Variants in RCC1 observed in about 807,000 individuals in gnomAD.
The protein encoded by RCC1 is regulator of chromosome condensation 1.
Under a neutral mutation model 44.4 loss-of-function variants are expected in RCC1, and 11 were observed. That is an observed-to-expected ratio of 0.25 (90% CI 0.16 to 0.41). The LOEUF (loss-of-function observed/expected upper bound fraction) is 0.41, where lower values mean the gene tolerates loss of function less well. RCC1 is among the 10% of genes least tolerant of loss of function. The pLI, the probability that RCC1 is intolerant of heterozygous loss-of-function variation, is 1.00. For synonymous variants in RCC1, 213 were observed against 216.5 expected (o/e 0.98, Z 0.14); for missense variants, 386 against 547.1 (o/e 0.71, Z 2.94).
At chr1:28,521,034 G>A (rs1195402179) in intron 4 of RCC1, among the ~76,000 whole-genome samples, 8 of 151,940 alleles carry the variant, frequency 5.3e-5, no homozygotes, top group South Asian at 4.2e-4. Context: ...AGCTGAGATC[G>A]TGAGTCTGAA....
In RCC1 at chr1:28,538,088, C is replaced by A; in HGVS notation, c.*81C>A. 1.5e-6 allele frequency: 2 copies of A among 1,333,452 alleles called. No homozygotes were observed. The highest frequency in any genetic ancestry group is 1.4e-5 in the South Asian group (1 of 72,814). The allele number at this position is 1,333,452 out of a possible 1,614,324, so 82.6% of individuals were successfully genotyped here. A position where few individuals can be genotyped will look rare whatever the true frequency, so the allele number is the denominator to read the frequency against. ...AAGCAGTGACAGCTGCAGATGGCAG[C>A]GGGCCTCTCCCCAGCCCTGAGCACT... On this transcript the variant is annotated 3_prime_UTR_variant, in exon 13 of 13. Transcript: ENST00000683442.
chr1:28,537,593 C>G (rs1437905123), intron 12 of RCC1, among the ~76,000 whole-genome samples: 1 of 152,202 alleles, frequency 6.6e-6, no homozygotes, highest in Non-Finnish European at 1.5e-5. Context: ...ACCTTGAATG[C>G]CACGCCTAGG....
intron 3 of RCC1, among the ~76,000 whole-genome samples, chr1:28,515,124 A>G (rs1662812211): frequency 6.6e-6 from 1 of 151,878 alleles, no homozygotes; most frequent in African/African-American, 2.4e-5. Context: ...CCAAAAATAC[A>G]AAAATTAGAT....
At chr1:28,518,169 G>C (rs1004527374) in intron 4 of RCC1, 1 of 149,718 alleles carries the variant, frequency 6.7e-6, no homozygotes, top group Non-Finnish European at 1.5e-5. Flanking sequence ...CAGATCCTGG[G>C]ATGGCCGCCA....
At chr1:28,507,643 CCCAGGCTGGAGTGCAGTGG>C (rs1662113216) in intron 1 of RCC1, 1 of 432,062 alleles carries the variant, frequency 2.3e-6, no homozygotes, top group Non-Finnish European at 4.5e-6. Flanking sequence ...CGCTCTGTTG[CCCAGGCTGGAGTGCAGTGG>C]CGCACTCCAT....
chr1:28,515,355 C>T (rs1662831408), intron 3 of RCC1, among the ~76,000 whole-genome samples: 1 of 151,918 alleles, frequency 6.6e-6, no homozygotes, highest in Admixed American at 6.6e-5. Flanking sequence ...GAGGCTGAGG[C>T]AGAGGTTGCA....
chr1:28,531,259 C>CTTTTTTTTTTTTTTT (rs769808394), intron 5 of RCC1, among the ~76,000 whole-genome samples: 1 of 132,452 alleles, frequency 7.5e-6, no homozygotes, highest in African/African-American at 3.1e-5. Flanking sequence ...GCTTTCTTTT[C>CTTTTTTTTTTTTTTT]TTTTTCTTTT....
In RCC1 at chr1:28,538,711, CAA is replaced by C. The variant is rs966169439; in HGVS notation, c.*706_*707del. On this transcript the variant is annotated 3_prime_UTR_variant, in exon 13 of 13. Transcript: ENST00000683442. ...ACCTGCAGCCAACGGCCTGGAATCG[CAA>C]AGAGACACCACTCTGGGCAGAGCAG... 5.9e-5 allele frequency: 9 copies of C among 152,138 alleles called. No individual in the cohort carries two copies. The highest frequency in any genetic ancestry group is 1.9e-4 in the African/African-American group (8 of 41,412). The allele number at this position is 152,138 out of a possible 1,614,324, so 9.4% of individuals were successfully genotyped here.
rs1664553505 is a variant in RCC1 at position 28,536,288 on chromosome 1, A to G, written c.844A>G (p.Ile282Val). 6.2e-7 allele frequency: 1 copy of G among 1,614,132 alleles called. No individual in the cohort carries two copies. Among genetic ancestry groups the G allele is most frequent in the Non-Finnish European group, 8.5e-7 (1 of 1,180,010 alleles). ...AACTCCGGGCACAGAATCTTGCTTC[A>G]TACCCCAGAACCTAACATCCTTCAA... ...LGTPGTESCFIPQNLTSFKNS... is the reference protein window; with the variant it reads ...LGTPGTESCFVPQNLTSFKNS... Residue 282 changes from isoleucine to valine, a missense_variant, in exon 11 of 13, where the codon ATA becomes GTA. By Grantham distance (29) the Ile-to-Val change is conservative. Transcript: ENST00000683442. The surrounding 1 kb of genome is among the most constrained non-coding windows in gnomAD (Gnocchi z 4.9).
intron 9 of RCC1, chr1:28,535,655 T>C (rs551703249): frequency 1.3e-6 from 1 of 758,072 alleles, no homozygotes; most frequent in East Asian, 2.7e-5. Context: ...ATCAGGCAGA[T>C]GGTAAGTTCC....
intron 4 of RCC1, chr1:28,526,918 GAAAT>G: frequency 5.5e-6 from 4 of 722,380 alleles, no homozygotes; most frequent in Non-Finnish European, 9.5e-6. Flanking sequence ...AAAAAAGAAA[GAAAT>G]CCAAAGGATA....
rs549305865 is a variant in RCC1 at position 28,528,122 on chromosome 1, C to T, written c.-9-1736C>T. ...ATTACTTGAGATTAGGAGTTTGGGA[C>T]CAGCCTGGCCAACATGGTGAAACCC... On this transcript the variant is annotated intron_variant, in intron 4 of 12. Transcript: ENST00000683442. 3.3e-5 allele frequency among the ~76,000 whole-genome samples: 5 copies of T among 151,944 alleles called. No homozygotes were observed. In the South Asian group the frequency reaches 1.0e-3, roughly 32 times the overall value.
At chr1:28,524,094 C>T (rs553172983) in intron 4 of RCC1, among the ~76,000 whole-genome samples, 6 of 152,342 alleles carry the variant, frequency 3.9e-5, no homozygotes, top group African/African-American at 1.2e-4. Flanking sequence ...GGATTACAGG[C>T]GTGAGCCACC....
At chr1:28,518,555 C>G (rs948638591) in intron 4 of RCC1, 7 of 148,970 alleles carry the variant, frequency 4.7e-5, no homozygotes, top group Non-Finnish European at 9.0e-5. Flanking sequence ...CGCGCGGCCC[C>G]TCCGCCGCCG....
chr1:28,515,930 C>T (rs1017619954), intron 3 of RCC1, among the ~76,000 whole-genome samples: 6 of 151,978 alleles, frequency 3.9e-5, no homozygotes, highest in African/African-American at 1.2e-4. Context: ...GCCTGTAATC[C>T]CAGCACTTTG....
At chr1:28,506,492 A>G (rs1455303297) in intron 1 of RCC1, 2 of 318,292 alleles carry the variant, frequency 6.3e-6, no homozygotes, top group Non-Finnish European at 1.2e-5. Flanking sequence ...GCCGGAAATC[A>G]TGTAATTTAA....
chr1:28,525,276 G>A (rs186218212), intron 4 of RCC1, among the ~76,000 whole-genome samples: 54 of 152,250 alleles, frequency 3.5e-4, no homozygotes, highest in Non-Finnish European at 6.5e-4. Flanking sequence ...CACAGGTCGC[G>A]GCGCCAGGCT....
At chr1:28,528,248 G>T (rs148530245) in intron 4 of RCC1, among the ~76,000 whole-genome samples, 1 of 152,122 alleles carries the variant, frequency 6.6e-6, no homozygotes, top group Non-Finnish European at 1.5e-5. Flanking sequence ...CTGAGATCAG[G>T]AGTTCGAGAC....
Position 28,506,096 on chromosome 1 carries a change from C to T in RCC1, c.-262+12C>T, listed in dbSNP as rs945180421. 8.8e-6 allele frequency: 4 copies of T among 455,746 alleles called. No individual in the cohort carries two copies. The highest frequency in any genetic ancestry group is 8.0e-5 in the African/African-American group (4 of 50,038). The allele number at this position is 455,746 out of a possible 1,614,324, so 28.2% of individuals were successfully genotyped here. ...GCTTCTTCTCCTTGGTAAGTGTGAT[C>T]CTTGGTAAGTGTGATCAGATGCTTG... On this transcript the variant is annotated intron_variant, in intron 1 of 12. Coordinates refer to ENST00000683442, the MANE Select transcript of RCC1 (RefSeq NM_001381865.2).
Sources: allele counts gnomAD v4.1 joint callset (sites outside exome capture counted in the v4.1 genomes callset), GRCh38; gene constraint gnomAD v4.1.1; non-coding constraint Gnocchi (gnomAD v3.1); transcripts MANE v1.5; gene names NCBI Gene and HGNC (gene_info 2026-07-23, HGNC 2026-07-21).